NTRK3: variants seen among roughly 807,000 people sequenced by gnomAD.
NTRK3 encodes NT-3 growth factor receptor.
NTRK3 carries 24 observed loss-of-function variants against 91.7 expected under a neutral mutation model. The ratio of observed to expected loss-of-function variants is 0.26; its 90% CI spans 0.19 to 0.37. The LOEUF (loss-of-function observed/expected upper bound fraction) is 0.37, where lower values mean the gene tolerates loss of function less well. Ranked by LOEUF, NTRK3 falls within the 10% of genes least tolerant of loss-of-function variation. The probability of loss-of-function intolerance (pLI) is 1.00; values close to 1 mark genes in which losing one functional copy is unlikely to be tolerated. For missense variants in NTRK3, 880 were observed against 1,068.9 expected (o/e 0.82, Z 2.46); for synonymous variants, 483 against 404.0 (o/e 1.20, Z -2.34).
intron 13 of NTRK3, among the ~76,000 whole-genome samples, chr15:88,123,822 G>A (rs2052997028): frequency 6.6e-6 from 1 of 152,218 alleles, no homozygotes; most frequent in African/African-American, 2.4e-5. Context: ...AGGTTATGGA[G>A]ACCAAGGTTT....
chr15:88,062,076 A>C lies in NTRK3; in HGVS notation c.1397-29031T>G, dbSNP rs139887226. On this transcript the variant is annotated intron_variant, in intron 13 of 18. Coordinates refer to ENST00000394480, the Ensembl canonical transcript of NTRK3. ...ACTATTTACGTAGCGCTTACATTGTATTAAGTTTTATACATAATCTAGAGA... is the reference window on the plus strand; with the variant it reads ...ACTATTTACGTAGCGCTTACATTGTCTTAAGTTTTATACATAATCTAGAGA... Among the ~76,000 whole-genome samples the C allele has an allele frequency of 6.1e-3, 928 of 152,356 alleles. 7 individuals carry two copies. Among genetic ancestry groups the C allele is most frequent in the African/African-American group, 0.021 (879 of 41,580 alleles).
At chr15:87,927,615 G>C (rs536554844) in intron 17 of NTRK3, 24 of 152,310 alleles carry the variant, frequency 1.6e-4, no homozygotes, top group African/African-American at 5.8e-4. Flanking sequence ...TAGGACGTGA[G>C]GCCTTTGGGA....
chr15:88,189,090 G>A (rs183923071), intron 3 of NTRK3, among the ~76,000 whole-genome samples: 12 of 152,286 alleles, frequency 7.9e-5, no homozygotes, highest in African/African-American at 2.2e-4. Flanking sequence ...AGTCAGAGTC[G>A]GGCTTAGGGC....
intron 3 of NTRK3, among the ~76,000 whole-genome samples, chr15:88,202,833 G>C (rs774036564): frequency 6.6e-6 from 1 of 152,214 alleles, no homozygotes; most frequent in African/African-American, 2.4e-5. Context: ...CCAAAGACCA[G>C]AAGATAAAGA....
intron 13 of NTRK3, among the ~76,000 whole-genome samples, chr15:88,112,396 G>A (rs1015489585): frequency 6.6e-6 from 1 of 152,210 alleles, no homozygotes; most frequent in African/African-American, 2.4e-5. Context: ...AAGCCATCAA[G>A]CTGAACCATG....
At chr15:88,119,187 CA>C (rs1291583355) in intron 13 of NTRK3, among the ~76,000 whole-genome samples, 1 of 152,104 alleles carries the variant, frequency 6.6e-6, no homozygotes, top group Non-Finnish European at 1.5e-5. Context: ...AAAGCTCCCA[CA>C]AAGGACAGGG....
intron 17 of NTRK3, among the ~76,000 whole-genome samples, chr15:87,917,948 C>T (rs1426994863): frequency 6.6e-6 from 1 of 152,102 alleles, no homozygotes; most frequent in Admixed American, 6.5e-5. Flanking sequence ...TATAGCACCT[C>T]AAAATGGATG....
At chr15:87,882,329 G>A (rs1194271160) in intron 17 of NTRK3, among the ~76,000 whole-genome samples, 1 of 152,112 alleles carries the variant, frequency 6.6e-6, no homozygotes, top group Non-Finnish European at 1.5e-5. Flanking sequence ...AGAAAATATA[G>A]GAGCCAAGCT....
chr15:88,060,601 T>TG (rs1414102210), intron 13 of NTRK3, among the ~76,000 whole-genome samples: 1 of 152,010 alleles, frequency 6.6e-6, no homozygotes, highest in Non-Finnish European at 1.5e-5. Context: ...TGCATGACCA[T>TG]GGGGACCATC....
chr15:88,030,685 C>T (rs1253007926), intron 14 of NTRK3, among the ~76,000 whole-genome samples: 1 of 152,046 alleles, frequency 6.6e-6, no homozygotes. Context: ...TCATTTAGGG[C>T]CATGTGTAGA....
chr15:87,888,299 T>A lies in NTRK3; in HGVS notation c.2134-7871A>T, dbSNP rs748024393. Among the ~76,000 whole-genome samples the A allele has an allele frequency of 5.3e-5, 8 of 152,194 alleles. 1 individual carries two copies. Among genetic ancestry groups the A allele is most frequent in the Admixed American group, 1.3e-4 (2 of 15,278 alleles). On this transcript the variant is annotated intron_variant, in intron 17 of 18. Transcript: ENST00000394480. ...ACTCCTGGTACACTACGGATCAAGC[T>A]GGAGCAGAACGAGAATGTCACTATC...
chr15:88,079,365 G>A (rs1158815428), intron 13 of NTRK3, among the ~76,000 whole-genome samples: 3 of 152,182 alleles, frequency 2.0e-5, no homozygotes, highest in Non-Finnish European at 4.4e-5. Context: ...TCAGTCACAG[G>A]TGCCAAGAAA....
chr15:88,135,417 C>A lies in NTRK3; in HGVS notation c.908-20G>T, dbSNP rs768824224. ...GGGGATCTGTCAAGGGAGAAGCCTGCTGAAATCCAGGACACAGAGTCTACC... is the reference window on the plus strand; with the variant it reads ...GGGGATCTGTCAAGGGAGAAGCCTGATGAAATCCAGGACACAGAGTCTACC... On this transcript the variant is annotated intron_variant, in intron 9 of 18. Transcript: ENST00000394480. 1.1e-5 allele frequency: 18 copies of A among 1,610,954 alleles called. No individual in the cohort carries two copies. The African/African-American group carries it at 1.7e-4, about 16-fold the overall frequency.
exon 19 of NTRK3, chr15:87,863,505 C>T (rs1345375472): frequency 4.8e-6 from 1 of 209,080 alleles, no homozygotes; most frequent in Non-Finnish European, 9.5e-6. Flanking sequence ...TGACAGGCCT[C>T]AAAACATGTT....
intron 14 of NTRK3, among the ~76,000 whole-genome samples, chr15:87,992,679 G>A (rs1231583665): frequency 6.6e-6 from 1 of 152,236 alleles, no homozygotes; most frequent in African/African-American, 2.4e-5. Context: ...GGGGAGAACT[G>A]GTATGGACCC....
At chr15:88,137,713 T>A in intron 6 of NTRK3, 152 bp from the exon 7 acceptor site, 1 of 783,420 alleles carries the variant, frequency 1.3e-6, no homozygotes, top group Non-Finnish European at 2.0e-6. Flanking sequence ...AAAATCCTTG[T>A]AAGTCCATAA....
chr15:88,100,747 C>G (rs982970148), intron 13 of NTRK3, among the ~76,000 whole-genome samples: 103 of 152,160 alleles, frequency 6.8e-4, no homozygotes, highest in African/African-American at 2.2e-3. Flanking sequence ...ACAAACCTGA[C>G]AAAAACAAGA....
chr15:87,979,398 T>C (rs2074004762), intron 14 of NTRK3: 3 of 1,613,772 alleles, frequency 1.9e-6, no homozygotes, highest in Non-Finnish European at 2.5e-6. Flanking sequence ...TCAACATAGA[T>C]GCCATGGTTA....
chr15:88,027,962 C>G (rs2078183999), intron 14 of NTRK3, among the ~76,000 whole-genome samples: 1 of 151,748 alleles, frequency 6.6e-6, no homozygotes, highest in Admixed American at 6.6e-5. Flanking sequence ...TAGCATGGGG[C>G]TAGGAAGAAT....
Sources: allele counts gnomAD v4.1 joint callset (sites outside exome capture counted in the v4.1 genomes callset), GRCh38; gene constraint gnomAD v4.1.1; transcripts MANE v1.5; gene names NCBI Gene and HGNC (gene_info 2026-07-23, HGNC 2026-07-21).